RBFOX3: variants seen among roughly 807,000 people sequenced by gnomAD.
The protein encoded by RBFOX3 is RNA binding fox-1 homolog 3, also known as RNA binding protein fox-1 homolog 3.
Under a neutral mutation model 48.7 loss-of-function variants are expected in RBFOX3, and 17 were observed. That is an observed-to-expected ratio of 0.35 (90% CI 0.24 to 0.52). The LOEUF (loss-of-function observed/expected upper bound fraction) is 0.52, where lower values mean the gene tolerates loss of function less well. Among genes scored for constraint, RBFOX3 ranks in the 20% least tolerant of loss-of-function variants. The pLI is 0.94. For synonymous variants in RBFOX3, 212 were observed against 209.5 expected, an observed-to-expected ratio of 1.01 and a Z score of -0.10; for missense variants, 382 against 497.5, an observed-to-expected ratio of 0.77 and a Z score of 2.21.
At chr17:79,177,204 TCCTCTCCCCCCCCGC>T (rs2050752205) in intron 4 of RBFOX3, among the ~76,000 whole-genome samples, 1 of 141,358 alleles carries the variant, frequency 7.1e-6, no homozygotes, top group African/African-American at 3.2e-5. Context: ...ACTGGCCTCC[TCCTCTCCCCCCCCGC>T]CCTCTCCCCA....
chr17:79,267,669 G>T lies in RBFOX3; in HGVS notation c.-73-31864C>A, dbSNP rs572768369. On this transcript the variant is annotated intron_variant, in intron 3 of 14. Transcript: ENST00000693108. ...GTCTCCCAAAGTGCTGGGATTACAG[G>T]TGTGAGCTACCAGGCCTGGCCCCAT... 3.3e-5 allele frequency among the ~76,000 whole-genome samples: 5 copies of T among 152,200 alleles called. No individual in the cohort carries two copies. The South Asian group carries it at 1.0e-3, about 32-fold the overall frequency.
chr17:79,246,962 T>C (rs1339686898), intron 3 of RBFOX3, among the ~76,000 whole-genome samples: 2 of 152,186 alleles, frequency 1.3e-5, no homozygotes, highest in African/African-American at 2.4e-5. Context: ...AACGCCGGCT[T>C]CTTAGATGAG....
intron 2 of RBFOX3, among the ~76,000 whole-genome samples, chr17:79,383,599 GC>G (rs1415032578): frequency 6.6e-6 from 1 of 152,198 alleles, no homozygotes; most frequent in African/African-American, 2.4e-5. Flanking sequence ...TGTGGAAAGT[GC>G]CCCTTACAGA....
intron 2 of RBFOX3, among the ~76,000 whole-genome samples, chr17:79,327,231 C>T (rs1285084085): frequency 6.6e-6 from 1 of 152,238 alleles, no homozygotes; most frequent in Non-Finnish European, 1.5e-5. Context: ...TCAGAGAAGA[C>T]TGGATTTTAA....
intron 1 of RBFOX3, among the ~76,000 whole-genome samples, chr17:79,570,748 T>C (rs2092646453): frequency 6.6e-6 from 1 of 152,096 alleles, no homozygotes; most frequent in Non-Finnish European, 1.5e-5. Context: ...AGTCAGTGCT[T>C]TTCATGAACT....
chr17:79,237,498 C>G (rs1307117663), intron 3 of RBFOX3, among the ~76,000 whole-genome samples: 1 of 152,264 alleles, frequency 6.6e-6, no homozygotes, highest in Non-Finnish European at 1.5e-5. Flanking sequence ...GCAGGTTACC[C>G]CATCTGCCTG....
chr17:79,596,446 G>A (rs1052917023), intron 1 of RBFOX3, among the ~76,000 whole-genome samples: 13 of 152,174 alleles, frequency 8.5e-5, no homozygotes, highest in South Asian at 8.3e-4. Context: ...CAGGGCCTCC[G>A]GCACACCCTC....
Position 79,252,437 on chromosome 17 carries a change from C to T in RBFOX3, c.-73-16632G>A, listed in dbSNP as rs542502358. 2.0e-5 allele frequency among the ~76,000 whole-genome samples: 3 copies of T among 152,186 alleles called. No individual in the cohort carries two copies. The highest frequency in any genetic ancestry group is 4.4e-5 in the Non-Finnish European group (3 of 68,032). On this transcript the variant is annotated intron_variant, in intron 3 of 14. Transcript: ENST00000693108. This position sits in a 1 kb window ranked among gnomAD's most constrained non-coding sequence, Gnocchi z 4.0. ...CCAAGTGAGCAAGTCAGCTGGGGTC[C>T]ACTCTGACCCTCCCTCTCTTCCTCC...
At chr17:79,120,962 G>A (rs2952525) in intron 4 of RBFOX3, among the ~76,000 whole-genome samples, 24,417 of 151,878 alleles carry the variant, frequency 0.16, 2,192 homozygotes, top group Middle Eastern at 0.23. Flanking sequence ...CAGAATCCAT[G>A]ACCACCCCCT....
intron 3 of RBFOX3, among the ~76,000 whole-genome samples, chr17:79,263,545 G>A (rs536252417): frequency 5.9e-5 from 9 of 152,182 alleles, no homozygotes; most frequent in Non-Finnish European, 1.3e-4. Context: ...CACTGGAGAG[G>A]AGGCAGGAAG....
intron 2 of RBFOX3, among the ~76,000 whole-genome samples, chr17:79,394,118 C>G (rs2061696160): frequency 6.6e-6 from 1 of 152,092 alleles, no homozygotes; most frequent in Non-Finnish European, 1.5e-5. Context: ...TCGTCTGAGC[C>G]AATCATCACG....
intron 4 of RBFOX3, among the ~76,000 whole-genome samples, chr17:79,181,456 C>T (rs1568297057): frequency 1.3e-5 from 2 of 152,208 alleles, no homozygotes; most frequent in Non-Finnish European, 2.9e-5. Flanking sequence ...GATTCAGTGT[C>T]AACTGGGAAT....
intron 13 of RBFOX3, 41 bp from the exon 14 acceptor site, chr17:79,094,570 GGAGGGGGGCAGGT>G (rs1336442267): frequency 1.0e-5 from 6 of 599,740 alleles, no homozygotes; most frequent in Non-Finnish European, 1.6e-5. Flanking sequence ...GGAGGGTGGG[GGAGGGGGGCAGGT>G]GAGGGGCAGC....
chr17:79,398,599 G>A (rs1319536480), intron 2 of RBFOX3, among the ~76,000 whole-genome samples: 1 of 152,204 alleles, frequency 6.6e-6, no homozygotes, highest in East Asian at 1.9e-4. Flanking sequence ...GGAGGCCAGG[G>A]GTGCTGCTGA....
chr17:79,428,694 C>T (rs1245636501), intron 2 of RBFOX3, among the ~76,000 whole-genome samples: 1 of 152,202 alleles, frequency 6.6e-6, no homozygotes, highest in Non-Finnish European at 1.5e-5. Flanking sequence ...GGTGGCAGTG[C>T]CTGTGACGCT....
At chr17:79,274,272 C>A (rs961149140) in intron 3 of RBFOX3, among the ~76,000 whole-genome samples, 5 of 152,156 alleles carry the variant, frequency 3.3e-5, no homozygotes, top group African/African-American at 1.2e-4. Context: ...GTTTCCTGCC[C>A]CTGTAACCTG....
the RBFOX3 span, among the ~76,000 whole-genome samples, chr17:79,659,338 C>G: frequency 1.3e-5 from 2 of 152,158 alleles, no homozygotes; most frequent in African/African-American, 4.8e-5. Context: ...CAGAGGGTAT[C>G]TGGGTCAAGC....
chr17:79,495,580 T>G (rs58629949), intron 1 of RBFOX3, among the ~76,000 whole-genome samples: 1 of 3,348 alleles, frequency 3.0e-4, no homozygotes, highest in African/African-American at 1.4e-3. Flanking sequence ...GATGGGGATG[T>G]GGGAAGGTGG....
chr17:79,399,565 G>A (rs4407089), intron 2 of RBFOX3, among the ~76,000 whole-genome samples: 12,223 of 152,054 alleles, frequency 0.08, 512 homozygotes, highest in Middle Eastern at 0.11. Context: ...AATCCCACAC[G>A]GTGGCCGCAC....
Sources: allele counts gnomAD v4.1 joint callset (sites outside exome capture counted in the v4.1 genomes callset), GRCh38; gene constraint gnomAD v4.1.1; non-coding constraint Gnocchi (gnomAD v3.1); transcripts MANE v1.5; gene names NCBI Gene and HGNC (gene_info 2026-07-23, HGNC 2026-07-21).